The following RSBN1L variants were observed in gnomAD, a reference collection of about 807,000 sequenced individuals.
RSBN1L encodes the protein round spermatid basic protein 1 like.
In RSBN1L, 30 loss-of-function variants were observed where a neutral mutation model predicts 67.7. The ratio of observed to expected loss-of-function variants is 0.44; its 90% CI spans 0.33 to 0.60. The LOEUF (loss-of-function observed/expected upper bound fraction) is 0.60, where lower values mean the gene tolerates loss of function less well. Among genes scored for constraint, RSBN1L ranks in the 20% least tolerant of loss-of-function variants. The pLI is 0.02. For missense variants in RSBN1L, 992 were observed against 1,031.7 expected, an observed-to-expected ratio of 0.96 and a Z score of 0.53; for synonymous variants, 433 against 387.0, an observed-to-expected ratio of 1.12 and a Z score of -1.39.
At chr7:77,757,174 G>A (rs1457310667) in intron 3 of RSBN1L, among the ~76,000 whole-genome samples, 7 of 152,164 alleles carry the variant, frequency 4.6e-5, no homozygotes, top group African/African-American at 1.7e-4. Context: ...CTCTGTAATA[G>A]TATCTTGTAG....
Position 77,750,296 on chromosome 7 carries a change from GTTTTTTTTTT to G in RSBN1L, c.1344+248_1344+257del, listed in dbSNP as rs36054297. Reference sequence around the variant, plus strand: ...ATTAATGAAATAATTAAGATTCTGTGTTTTTTTTTTTTTTTTTTTTTTTTTGCAAGGAGTG... The same window carrying G: ...ATTAATGAAATAATTAAGATTCTGTGTTTTTTTTTTTTTTTGCAAGGAGTG... On this transcript the variant is annotated intron_variant, in intron 3 of 7. Coordinates refer to ENST00000334955, the MANE Select transcript of RSBN1L (RefSeq NM_198467.3). 2.4e-4 allele frequency among the ~76,000 whole-genome samples: 14 copies of G among 57,458 alleles called. No individual in the cohort carries two copies. The South Asian group carries it at 5.6e-3, about 23-fold the overall frequency. The allele number at this position is 57,458 out of a possible 152,430, so 37.7% of individuals were successfully genotyped here.
chr7:77,750,093 CTT>C lies in RSBN1L; in HGVS notation c.1344+32_1344+33del, dbSNP rs1436208287. On this transcript the variant is annotated intron_variant, in intron 3 of 7. Transcript: ENST00000334955. ...AGAGGTTTTTAGTTTTATAAAATAA[CTT>C]TTAATTATATATTTTTAGATGAGTT... 3.8e-6 allele frequency: 5 copies of C among 1,329,580 alleles called. No homozygotes were observed. In the Admixed American group the frequency reaches 1.1e-4, roughly 30 times the overall value. 82.4% of individuals were successfully genotyped at this position (1,329,580 alleles called of 1,614,324 possible).
At chr7:77,777,253 G>T (rs748242647) in intron 6 of RSBN1L, among the ~76,000 whole-genome samples, 13 of 151,576 alleles carry the variant, frequency 8.6e-5, no homozygotes, top group Non-Finnish European at 1.5e-4. Context: ...ATGTTATTTT[G>T]CTTTAAAGAA....
At chr7:77,734,382 T>A (rs1253189475) in intron 1 of RSBN1L, among the ~76,000 whole-genome samples, 1 of 152,156 alleles carries the variant, frequency 6.6e-6, no homozygotes, top group Non-Finnish European at 1.5e-5. Flanking sequence ...TTTAGGTGAC[T>A]TTTTTTCAGT....
At chr7:77,759,591 T>G (rs1446830569) in intron 3 of RSBN1L, 1 of 152,042 alleles carries the variant, frequency 6.6e-6, no homozygotes, top group Non-Finnish European at 1.5e-5. Context: ...AAAAAAAACC[T>G]CAGCAGAATT....
rs979655828 is a variant in RSBN1L, at chr7:77,720,534, G to A, written c.587-15876G>A. Among the ~76,000 whole-genome samples the A allele has an allele frequency of 2.8e-4, 42 of 152,030 alleles. 1 individual carries two copies. The highest frequency in any genetic ancestry group is 1.6e-4 in the Non-Finnish European group (11 of 68,010). On this transcript the variant is annotated intron_variant, in intron 1 of 7. Coordinates refer to ENST00000334955, the MANE Select transcript of RSBN1L (RefSeq NM_198467.3). ...AGATCGTGCCATTGCACTCCAGCCT[G>A]GGCAACAAGAGCGAAACTCCGTTAA... is the stretch of plus-strand genomic sequence containing the variant.
At position 77,696,798 on chromosome 7, in the gene RSBN1L, C is replaced by T. The variant is rs780559931; in HGVS notation, c.329C>T (p.Thr110Met). ...SRSSFSFSAGTAVPSSASASL... is the reference protein window; with the variant it reads ...SRSSFSFSAGMAVPSSASASL... ...AGCAGTTTCTCTTTCTCCGCTGGCA[C>T]GGCCGTTCCCTCCTCAGCCTCCGCT... The change falls in exon 1 of 8, where the codon ACG (threonine) becomes ATG (methionine). Residue 110 changes from threonine (T) to methionine (M), a missense_variant. Thr to Met is a moderately conservative substitution (Grantham distance 81). Around this residue, in one of 7 missense-constraint regions of RSBN1L, gnomAD observed 575 missense variants for 483.2 expected, o/e 1.19. Transcript: ENST00000334955. 44 of 1,613,634 alleles carry T rather than the reference C, an allele frequency of 2.7e-5. No homozygotes were observed. The Admixed American group carries it at 6.7e-4, about 24-fold the overall frequency.
chr7:77,712,223 A>G (rs927573003), intron 1 of RSBN1L, among the ~76,000 whole-genome samples: 2 of 152,052 alleles, frequency 1.3e-5, no homozygotes, highest in African/African-American at 4.8e-5. Context: ...TAGTATATAC[A>G]TGTATATAAT....
intron 1 of RSBN1L, among the ~76,000 whole-genome samples, chr7:77,705,759 G>C (rs1169955319): frequency 6.6e-6 from 1 of 152,012 alleles, no homozygotes; most frequent in African/African-American, 2.4e-5. Context: ...TGTTCTGCCT[G>C]CCTCGGTCTC....
chr7:77,779,295 A>G lies in RSBN1L; in HGVS notation c.*127A>G. 1.4e-6 allele frequency: 1 copy of G among 701,454 alleles called. No individual in the cohort carries two copies. The highest frequency in any genetic ancestry group is 2.4e-6 in the Non-Finnish European group (1 of 421,084). 43.5% of individuals were successfully genotyped at this position (701,454 alleles called of 1,614,324 possible). ...AAAACATAGTTTATGTAGCTTTGTA[A>G]CATTCCTCAGTGCCTGTCCATAACT... On this transcript the variant is annotated 3_prime_UTR_variant, in exon 8 of 8. Coordinates refer to ENST00000334955, the MANE Select transcript of RSBN1L (RefSeq NM_198467.3).
intron 6 of RSBN1L, among the ~76,000 whole-genome samples, 174 bp from the exon 7 acceptor site, chr7:77,778,164 T>C (rs1269133822): frequency 1.3e-5 from 2 of 152,236 alleles, no homozygotes; most frequent in African/African-American, 4.8e-5. Flanking sequence ...TTGAAAGTCA[T>C]GGTGTTGGCC....
chr7:77,708,857 C>T (rs1299146831), intron 1 of RSBN1L, among the ~76,000 whole-genome samples: 1 of 152,086 alleles, frequency 6.6e-6, no homozygotes, highest in Non-Finnish European at 1.5e-5. Flanking sequence ...AGTGATTTTA[C>T]TGATAAAATG....
chr7:77,729,504 C>T (rs1183073763), intron 1 of RSBN1L, among the ~76,000 whole-genome samples: 2 of 152,164 alleles, frequency 1.3e-5, no homozygotes, highest in Non-Finnish European at 2.9e-5. Flanking sequence ...CTGTAAGATT[C>T]TTAGTGCAGT....
Position 77,774,384 on chromosome 7 carries a change from T to G in RSBN1L, c.1793+1070T>G, listed in dbSNP as rs548771816. Among the ~76,000 whole-genome samples the G allele has an allele frequency of 1.2e-4, 18 of 152,224 alleles. No individual in the cohort carries two copies. In the East Asian group the frequency reaches 3.3e-3, roughly 28 times the overall value. On this transcript the variant is annotated intron_variant, in intron 6 of 7. Coordinates refer to ENST00000334955, the MANE Select transcript of RSBN1L (RefSeq NM_198467.3). ...GGTGGGATCACCTGAGGTCAGGAGTTCGAGACCAGCCTGGACAACATGGTG... is the reference window on the plus strand; with the variant it reads ...GGTGGGATCACCTGAGGTCAGGAGTGCGAGACCAGCCTGGACAACATGGTG...
chr7:77,771,260 G>T (rs1791845491), intron 5 of RSBN1L, among the ~76,000 whole-genome samples: 1 of 152,030 alleles, frequency 6.6e-6, no homozygotes, highest in Admixed American at 6.6e-5. Context: ...ATTACCTAAA[G>T]ACGGTTTTAG....
chr7:77,757,302 TG>T (rs1791632420), intron 3 of RSBN1L, among the ~76,000 whole-genome samples: 1 of 152,230 alleles, frequency 6.6e-6, no homozygotes, highest in African/African-American at 2.4e-5. Flanking sequence ...TCTTTTTACT[TG>T]TATAATTCTG....
chr7:77,696,829 G>A lies in RSBN1L; in HGVS notation c.360G>A (p.Leu120=), dbSNP rs1790737137. The change falls in exon 1 of 8, where the codon TTG becomes TTA. Residue 120 remains leucine, a synonymous_variant. Coordinates refer to ENST00000334955, the MANE Select transcript of RSBN1L (RefSeq NM_198467.3). The part of the protein sequence containing the change: ...TAVPSSASAS[L]SQPVPRKLLV... ...TTCCCTCCTCAGCCTCCGCTTCCTT[G>A]TCTCAGCCGGTGCCGCGCAAACTGC... The A allele has an allele frequency of 1.2e-6, 2 of 1,613,404 alleles. No homozygotes were observed. The highest frequency in any genetic ancestry group is 1.7e-6 in the Non-Finnish European group (2 of 1,179,954).
intron 3 of RSBN1L, among the ~76,000 whole-genome samples, chr7:77,755,721 A>G (rs1791608680): frequency 6.6e-6 from 1 of 152,146 alleles, no homozygotes; most frequent in African/African-American, 2.4e-5. Context: ...CTGAAAAAAA[A>G]AATTGTAAGT....
At chr7:77,715,811 A>G (rs1562795609) in intron 1 of RSBN1L, among the ~76,000 whole-genome samples, 1 of 152,200 alleles carries the variant, frequency 6.6e-6, no homozygotes, top group Admixed American at 6.5e-5. Flanking sequence ...TAGTAGTTGC[A>G]TAGTAGTAGT....
Sources: gnomAD v4.1 joint callset for allele counts (sites outside exome capture counted in the v4.1 genomes callset) on GRCh38, gnomAD v4.1.1 for gene constraint, gnomAD v4.1.1 regional missense constraint, MANE v1.5 for transcripts, NCBI Gene and HGNC (gene_info 2026-07-23, HGNC 2026-07-21) for gene names.